Variants in SORCS3 observed in about 807,000 individuals in gnomAD.
SORCS3 encodes VPS10 domain-containing receptor SorCS3.
Under a neutral mutation model 146.3 loss-of-function variants are expected in SORCS3, and 57 were observed. The ratio of observed to expected loss-of-function variants is 0.39; its 90% confidence interval spans 0.31 to 0.49. The LOEUF is 0.49. Ranked by LOEUF, SORCS3 falls within the 20% of genes least tolerant of loss-of-function variation. SORCS3 has a pLI of 0.92. For synonymous variants in SORCS3, 653 were observed against 618.5 expected (o/e 1.06, Z -0.83); for missense variants, 1,341 against 1,575.5 (o/e 0.85, Z 2.52).
At chr10:105,129,957 A>C (rs2056006289) in intron 7 of SORCS3, among the ~76,000 whole-genome samples, 1 of 152,136 alleles carries the variant, frequency 6.6e-6, no homozygotes, top group Non-Finnish European at 1.5e-5. Context: ...TGAAGCCTCC[A>C]GGTTGCATAC....
chr10:104,674,739 A>G (rs544875697), intron 1 of SORCS3, among the ~76,000 whole-genome samples: 1 of 152,356 alleles, frequency 6.6e-6, no homozygotes, highest in Admixed American at 6.5e-5. Flanking sequence ...TAGATAGCTA[A>G]TATGTATAAT....
At chr10:105,192,763 T>C (rs958951160) in intron 14 of SORCS3, among the ~76,000 whole-genome samples, 4 of 152,202 alleles carry the variant, frequency 2.6e-5, no homozygotes, top group Non-Finnish European at 4.4e-5. Flanking sequence ...CAAATTCTGA[T>C]TCTTTCTTGA....
At chr10:104,695,944 T>A (rs61861256) in intron 1 of SORCS3, among the ~76,000 whole-genome samples, 9,281 of 144,382 alleles carry the variant, frequency 0.064, 436 homozygotes, top group Middle Eastern at 0.099. Flanking sequence ...TGTATATATA[T>A]AATATATATA....
chr10:104,771,640 C>T (rs754401603), intron 1 of SORCS3, among the ~76,000 whole-genome samples: 4 of 152,032 alleles, frequency 2.6e-5, no homozygotes, highest in Admixed American at 6.6e-5. Context: ...CTCACTATGC[C>T]GTGAAGGTAA....
chr10:105,252,873 G>A lies in SORCS3; in HGVS notation c.3204G>A (p.Glu1068=). Residue 1068 remains glutamate, a synonymous_variant, in exon 23 of 27, where the codon GAG becomes GAA. Transcript: ENST00000369701. ...LFILPPKNLT[E]RRKGNEGDLE... is the part of the protein sequence containing the mutation. ...TTCTTCCACCCAAGAACCTGACAGA[G>A]AGGAGGAAAGGCAATGAAGGGGACC... 4 of 1,613,934 alleles carry A rather than the reference G, an allele frequency of 2.5e-6. No individual in the cohort carries two copies. The highest frequency in any genetic ancestry group is 3.4e-6 in the Non-Finnish European group (4 of 1,179,928).
intron 3 of SORCS3, 96 bp downstream of exon 3, chr10:104,916,028 C>T: frequency 1.1e-6 from 1 of 880,882 alleles, no homozygotes; most frequent in Non-Finnish European, 1.9e-6. Flanking sequence ...GTCATTGAAT[C>T]ATTTACAGAG....
chr10:105,262,456 A>T lies in SORCS3; in HGVS notation c.3569A>T (p.Glu1190Val). Residue 1190 changes from glutamate to valine, a missense_variant, in exon 26 of 27, where the codon GAG becomes GTG. By Grantham distance (121) the Glu-to-Val change is moderately radical. Coordinates refer to ENST00000369701, the MANE Select transcript of SORCS3 (RefSeq NM_014978.3). ...CTCAGTGACTTTACGGAGCCTGAGG[A>T]GCTGCTGGACAAAGAGCTGGACACG... ...ITLSDFTEPE[E>V]LLDKELDTRV... 1 of 1,613,996 alleles carries T rather than the reference A, an allele frequency of 6.2e-7. No individual in the cohort carries two copies. The highest frequency in any genetic ancestry group is 1.1e-5 in the South Asian group (1 of 91,076).
At chr10:105,244,051 G>C (rs568241829) in intron 20 of SORCS3, among the ~76,000 whole-genome samples, 1 of 152,156 alleles carries the variant, frequency 6.6e-6, no homozygotes, top group Non-Finnish European at 1.5e-5. Flanking sequence ...GACACAAAGA[G>C]AGGAGAGAGA....
intron 8 of SORCS3, among the ~76,000 whole-genome samples, chr10:105,145,600 C>A (rs984678692): frequency 6.6e-6 from 1 of 152,084 alleles, no homozygotes; most frequent in East Asian, 1.9e-4. Context: ...GAATTTAATT[C>A]GTATTTCCTG....
rs1296261116 is a variant in SORCS3, at chr10:105,263,351, A to G, written c.3646A>G (p.Ile1216Val). Residue 1216 changes from isoleucine to valine, a missense_variant, in exon 27 of 27, where the codon ATC becomes GTC. Transcript: ENST00000369701. Reference sequence around the variant, plus strand: ...TGCAAACAGCGAAAGCACAAAGGAGATCCCCAACTGCACTAGTGTTTAATA... The same window carrying G: ...TGCAAACAGCGAAAGCACAAAGGAGGTCCCCAACTGCACTAGTGTTTAATA... Reference protein sequence around the residue: ...TIANSESTKEIPNCTSV With the variant: ...TIANSESTKEVPNCTSV 1 of 1,613,942 alleles carries G rather than the reference A, an allele frequency of 6.2e-7. No homozygotes were observed. The highest frequency in any genetic ancestry group is 2.2e-5 in the East Asian group (1 of 44,884).
chr10:105,166,581 A>G (rs2056315306), intron 12 of SORCS3, among the ~76,000 whole-genome samples: 3 of 152,156 alleles, frequency 2.0e-5, no homozygotes, highest in African/African-American at 7.2e-5. Flanking sequence ...GGATGGTTGG[A>G]TGGAATACTG....
chr10:105,031,972 C>A (rs2055270823), intron 4 of SORCS3, among the ~76,000 whole-genome samples: 3 of 152,248 alleles, frequency 2.0e-5, no homozygotes. Flanking sequence ...GCAGGCAGAT[C>A]ACTTGAGGTC....
chr10:105,131,302 A>C (rs889551316), intron 7 of SORCS3, among the ~76,000 whole-genome samples: 3 of 152,198 alleles, frequency 2.0e-5, no homozygotes, highest in Admixed American at 6.5e-5. Context: ...CTGCAGAGGC[A>C]GTGTGAGAAG....
At chr10:105,255,421 GTGT>G (rs1385641636) in intron 23 of SORCS3, among the ~76,000 whole-genome samples, 1 of 152,010 alleles carries the variant, frequency 6.6e-6, no homozygotes, top group Non-Finnish European at 1.5e-5. Flanking sequence ...ATGTATACAT[GTGT>G]AACTAACCTG....
intron 2 of SORCS3, among the ~76,000 whole-genome samples, chr10:104,864,283 A>G (rs2018436807): frequency 6.6e-6 from 1 of 152,154 alleles, no homozygotes; most frequent in Admixed American, 6.5e-5. Flanking sequence ...CTGGGAACCC[A>G]TGGGAGTAGG....
intron 7 of SORCS3, among the ~76,000 whole-genome samples, chr10:105,110,423 T>C (rs2055852029): frequency 6.6e-6 from 1 of 152,150 alleles, no homozygotes; most frequent in Non-Finnish European, 1.5e-5. Context: ...TATTTTCCTA[T>C]ATTATTTTAT....
chr10:105,039,333 C>T (rs1420035431), intron 4 of SORCS3, among the ~76,000 whole-genome samples: 1 of 151,612 alleles, frequency 6.6e-6, no homozygotes, highest in African/African-American at 2.4e-5. Context: ...GAGGATAATT[C>T]AATTTAATTT....
At chr10:104,672,786 G>A (rs1483182233) in intron 1 of SORCS3, among the ~76,000 whole-genome samples, 1 of 152,038 alleles carries the variant, frequency 6.6e-6, no homozygotes, top group Non-Finnish European at 1.5e-5. Flanking sequence ...TATCTAAGTG[G>A]ATTATTGTAT....
chr10:104,907,092 G>T (rs899998670), intron 2 of SORCS3, among the ~76,000 whole-genome samples: 1 of 151,342 alleles, frequency 6.6e-6, no homozygotes, highest in African/African-American at 2.4e-5. Context: ...AATAACTCTG[G>T]TATCTGTCTT....
Sources: gnomAD v4.1 joint callset for allele counts (sites outside exome capture counted in the v4.1 genomes callset) on GRCh38, gnomAD v4.1.1 for gene constraint, MANE v1.5 for transcripts, NCBI Gene and HGNC (gene_info 2026-07-23, HGNC 2026-07-21) for gene names.